The following TMBIM6 variants were observed in gnomAD, a reference collection of about 807,000 sequenced individuals.
TMBIM6 encodes the protein transmembrane BAX inhibitor motif containing 6.
A neutral mutation model predicts 31.4 loss-of-function variants in TMBIM6; 13 were observed. The observed-to-expected ratio is 0.41, with a 90% CI of 0.27 to 0.66. The LOEUF (loss-of-function observed/expected upper bound fraction) is 0.66. TMBIM6 is among the 30% of genes least tolerant of loss of function. The pLI, the probability that TMBIM6 is intolerant of heterozygous loss-of-function variation, is 0.28. For missense variants in TMBIM6, 275 were observed against 289.5 expected, an observed-to-expected ratio of 0.95 and a Z score of 0.36; for synonymous variants, 85 against 101.7, an observed-to-expected ratio of 0.84 and a Z score of 0.99.
intron 1 of TMBIM6, among the ~76,000 whole-genome samples, chr12:49,743,913 C>T (rs913052051): frequency 2.6e-5 from 4 of 152,166 alleles, no homozygotes; most frequent in African/African-American, 7.2e-5. Context: ...TGATTTCACA[C>T]AGATTTTCTT....
At chr12:49,742,171 A>C (rs79567931) in intron 1 of TMBIM6, 1 of 1,613,270 alleles carries the variant, frequency 6.2e-7, no homozygotes, top group African/African-American at 1.3e-5. Context: ...GAGGCTCCTC[A>C]GTTACTTAGC....
At chr12:49,760,533 CTTTTTTTTTTT>C (rs35862867) in intron 8 of TMBIM6, among the ~76,000 whole-genome samples, 1 of 93,522 alleles carries the variant, frequency 1.1e-5, no homozygotes, top group Admixed American at 1.3e-4. Flanking sequence ...TGCCCAGCCA[CTTTTTTTTTTT>C]TTTTTTTTTT....
intron 8 of TMBIM6, among the ~76,000 whole-genome samples, chr12:49,759,538 C>G (rs1402813065): frequency 6.6e-6 from 1 of 152,142 alleles, no homozygotes; most frequent in Non-Finnish European, 1.5e-5. Flanking sequence ...GGTGTGGTGG[C>G]TCACACCTAT....
At chr12:49,758,894 G>C (rs543620289) in intron 7 of TMBIM6, 132 bp downstream of exon 7, 1 of 790,820 alleles carries the variant, frequency 1.3e-6, no homozygotes, top group Admixed American at 2.8e-5. Flanking sequence ...ATCCTTCATA[G>C]GATGGAGCCT....
chr12:49,753,177 T>TA, intron 3 of TMBIM6, 96 bp downstream of exon 3: 1 of 822,222 alleles, frequency 1.2e-6, no homozygotes, highest in Non-Finnish European at 1.9e-6. Flanking sequence ...TTCCTCTCTT[T>TA]AATCTTTATC....
Position 49,762,860 on chromosome 12 carries a change from T to C in TMBIM6, c.691-13T>C. ...GTCAAAAAATTAATTGGGTGATTTT[T>C]CTCCATTTCTAGGATAAGAAGAAAG... On this transcript the variant is annotated splice_polypyrimidine_tract_variant and intron_variant, in intron 9 of 9. Coordinates refer to ENST00000267115, the MANE Select transcript of TMBIM6 (RefSeq NM_003217.3). 6.2e-7 allele frequency: 1 copy of C among 1,612,038 alleles called. No homozygotes were observed. Among genetic ancestry groups the C allele is most frequent in the South Asian group, 1.1e-5 (1 of 91,008 alleles).
At chr12:49,761,679 T>A in intron 8 of TMBIM6, 25 bp from the exon 9 acceptor site, 1 of 1,612,420 alleles carries the variant, frequency 6.2e-7, no homozygotes, top group Non-Finnish European at 8.5e-7. Flanking sequence ...GAAGTACAGA[T>A]CCTAATCTGG....
rs1292185738 is a variant in TMBIM6 at position 49,758,134 on chromosome 12, AT to A, written c.287-92del. 25 of 1,367,308 alleles carry A rather than the reference AT, an allele frequency of 1.8e-5. No individual in the cohort carries two copies. In the East Asian group the frequency reaches 5.5e-4, roughly 30 times the overall value. 84.7% of individuals were successfully genotyped at this position (1,367,308 alleles called of 1,614,324 possible). A position where few individuals can be genotyped will look rare whatever the true frequency, so the allele number is the denominator to read the frequency against. The stretch of plus-strand genomic sequence containing the variant: ...TCTTTAGTCCACGTTTGTTAAGAGC[AT>A]GAGTATGCCTATATTTCGGGATCAG... On this transcript the variant is annotated intron_variant, in intron 4 of 9. Transcript: ENST00000267115.
intron 7 of TMBIM6, 54 bp downstream of exon 7, chr12:49,758,816 TCC>T (rs373448148): frequency 1.4e-6 from 2 of 1,408,040 alleles, no homozygotes. Context: ...CTTCTTTCTT[TCC>T]TTTTTTTTTT....
At chr12:49,743,242 A>AT (rs1945330684) in intron 1 of TMBIM6, among the ~76,000 whole-genome samples, 26 of 146,216 alleles carry the variant, frequency 1.8e-4, no homozygotes, top group Admixed American at 1.7e-3. Flanking sequence ...TATTATTATT[A>AT]TGTTTTTTTT....
chr12:49,755,597 T>C lies in TMBIM6; in HGVS notation c.166-38T>C, dbSNP rs1945573808. The C allele has an allele frequency of 1.9e-6, 3 of 1,603,452 alleles. No homozygotes were observed. In the East Asian group the frequency reaches 6.7e-5, roughly 36 times the overall value. On this transcript the variant is annotated intron_variant, in intron 3 of 9. Coordinates refer to ENST00000267115, the MANE Select transcript of TMBIM6 (RefSeq NM_003217.3). Reference sequence around the variant, plus strand: ...CTCTTGCAAAATAAATTTGAAACTTTCAAGTGTTTAATGATTGATTGATTC... The same window carrying C: ...CTCTTGCAAAATAAATTTGAAACTTCCAAGTGTTTAATGATTGATTGATTC...
intron 1 of TMBIM6, chr12:49,742,222 G>A (rs765571639): frequency 5.6e-6 from 9 of 1,613,256 alleles, no homozygotes; most frequent in East Asian, 2.2e-5. Flanking sequence ...TGGGGCTGGG[G>A]CTGCCTTCCA....
chr12:49,754,006 TG>T (rs1256142163), intron 3 of TMBIM6, among the ~76,000 whole-genome samples: 6 of 152,094 alleles, frequency 3.9e-5, no homozygotes, highest in Non-Finnish European at 8.8e-5. Flanking sequence ...GTGAAAAAGT[TG>T]AGTCACCCTG....
rs193229068 is a variant in TMBIM6 at position 49,763,189 on chromosome 12, C to T, written c.*293C>T. The T allele has an allele frequency of 2.0e-3, 620 of 308,132 alleles. No homozygotes were observed. Among genetic ancestry groups the T allele is most frequent in the Non-Finnish European group, 3.2e-3 (522 of 161,592 alleles). 19.1% of individuals were successfully genotyped at this position (308,132 alleles called of 1,614,324 possible). On this transcript the variant is annotated 3_prime_UTR_variant, in exon 10 of 10. Coordinates refer to ENST00000267115, the MANE Select transcript of TMBIM6 (RefSeq NM_003217.3). The stretch of plus-strand genomic sequence containing the variant: ...CCGCCACGATGAGAAGTGGGACCAG[C>T]AGAGGGCGCCAACTTCAGGAGTCCG...
intron 1 of TMBIM6, among the ~76,000 whole-genome samples, chr12:49,746,344 A>G (rs1224722737): frequency 2.6e-5 from 4 of 152,154 alleles, no homozygotes; most frequent in Non-Finnish European, 5.9e-5. Flanking sequence ...TCAGCCTCCC[A>G]AAGTGCTGGG....
intron 1 of TMBIM6, chr12:49,749,927 C>G (rs1162128260): frequency 6.6e-6 from 1 of 152,050 alleles, no homozygotes; most frequent in Non-Finnish European, 1.5e-5. Context: ...TTGCTGTGCC[C>G]TTTTGCGTCT....
At chr12:49,742,106 A>T (rs775503949) in intron 1 of TMBIM6, 2 of 1,603,118 alleles carry the variant, frequency 1.2e-6, no homozygotes, top group Non-Finnish European at 1.7e-6. Flanking sequence ...GCCCGGAGCC[A>T]AGACTCGAGG....
At position 49,763,818 on chromosome 12, in the gene TMBIM6, G is replaced by C. The variant is rs1365854984; in HGVS notation, c.*922G>C. 6.6e-6 allele frequency: 1 copy of C among 152,230 alleles called. No individual in the cohort carries two copies. Among genetic ancestry groups the C allele is most frequent in the African/African-American group, 2.4e-5 (1 of 41,430 alleles). 9.4% of individuals were successfully genotyped at this position (152,230 alleles called of 1,614,324 possible). A position where few individuals can be genotyped will look rare whatever the true frequency, so the allele number is the denominator to read the frequency against. The stretch of plus-strand genomic sequence containing the variant: ...AATCCTGCCAGACCTGTTTGGGGCA[G>C]TGGGGAGCAAACCTAGATAAGGACC... On this transcript the variant is annotated 3_prime_UTR_variant, in exon 10 of 10. Coordinates refer to ENST00000267115, the MANE Select transcript of TMBIM6 (RefSeq NM_003217.3).
chr12:49,742,875 G>A (rs575670614), intron 1 of TMBIM6, among the ~76,000 whole-genome samples: 1 of 152,082 alleles, frequency 6.6e-6, no homozygotes, highest in African/African-American at 2.4e-5. Context: ...CCTCCAGTAG[G>A]GACAGAATAG....
Sources: allele counts gnomAD v4.1 joint callset (sites outside exome capture counted in the v4.1 genomes callset), GRCh38; gene constraint gnomAD v4.1.1; transcripts MANE v1.5; gene names NCBI Gene and HGNC (gene_info 2026-07-23, HGNC 2026-07-21).